ZFHX3: variants seen among roughly 807,000 people sequenced by gnomAD.
ZFHX3 encodes zinc finger homeobox 3.
Under a neutral mutation model 279.1 loss-of-function variants are expected in ZFHX3, and 42 were observed. The ratio of observed to expected loss-of-function variants is 0.15; its 90% CI spans 0.12 to 0.19. The LOEUF (loss-of-function observed/expected upper bound fraction) is 0.19. Ranked by LOEUF, ZFHX3 falls within the 10% of genes least tolerant of loss-of-function variation. The probability of loss-of-function intolerance (pLI) is 1.00; values close to 1 mark genes in which losing one functional copy is unlikely to be tolerated. For missense variants in ZFHX3, 4,981 were observed against 4,754.0 expected, an observed-to-expected ratio of 1.05 and a Z score of -1.40; for synonymous variants, 2,293 against 1,957.8, an observed-to-expected ratio of 1.17 and a Z score of -4.52.
intron 3 of ZFHX3, among the ~76,000 whole-genome samples, chr16:73,437,224 G>A (rs2018013897): frequency 6.6e-6 from 1 of 152,174 alleles, no homozygotes. Context: ...TTTTGCAGAT[G>A]AAAAAACTTA....
intron 1 of ZFHX3, among the ~76,000 whole-genome samples, chr16:73,030,614 AG>A (rs1275858608): frequency 4.6e-5 from 7 of 152,048 alleles, no homozygotes; most frequent in Non-Finnish European, 1.0e-4. Context: ...GGAAGTCAGA[AG>A]ATATTGTTTG....
chr16:72,919,503 A>T (rs1350592076), intron 3 of ZFHX3, among the ~76,000 whole-genome samples: 1 of 152,128 alleles, frequency 6.6e-6, no homozygotes, highest in Non-Finnish European at 1.5e-5. Flanking sequence ...TCTGACGCAC[A>T]GCTAGGTTTA....
At chr16:72,863,898 T>G (rs777154394) in intron 4 of ZFHX3, among the ~76,000 whole-genome samples, 7 of 152,114 alleles carry the variant, frequency 4.6e-5, no homozygotes, top group South Asian at 4.1e-4. Context: ...GGGTGGATCA[T>G]GAGGTCACGA....
intron 3 of ZFHX3, among the ~76,000 whole-genome samples, chr16:73,328,984 C>T (rs1373208576): frequency 6.6e-6 from 1 of 152,204 alleles, no homozygotes; most frequent in Non-Finnish European, 1.5e-5. Context: ...ATTTGCAAAG[C>T]TACATGAACT....
intron 5 of ZFHX3, among the ~76,000 whole-genome samples, chr16:73,182,984 C>T (rs569462708): frequency 3.3e-5 from 5 of 152,310 alleles, no homozygotes; most frequent in Non-Finnish European, 2.9e-5. Flanking sequence ...GTGGGTGGAT[C>T]ACCTCAGGTC....
chr16:73,422,909 G>T (rs1321451339), intron 3 of ZFHX3, among the ~76,000 whole-genome samples: 1 of 152,186 alleles, frequency 6.6e-6, no homozygotes, highest in Non-Finnish European at 1.5e-5. Context: ...AAGGCTACAG[G>T]TTCTGGGAGG....
At chr16:73,600,635 T>C (rs1393222523) in intron 2 of ZFHX3, among the ~76,000 whole-genome samples, 1 of 152,106 alleles carries the variant, frequency 6.6e-6, no homozygotes, top group African/African-American at 2.4e-5. Context: ...TTAGCCAGAA[T>C]GGTCTCGATC....
At chr16:73,730,350 C>A (rs2053558434) in intron 1 of ZFHX3, among the ~76,000 whole-genome samples, 1 of 84,472 alleles carries the variant, frequency 1.2e-5, no homozygotes, top group Non-Finnish European at 2.2e-5. Context: ...ACCCTCCCCT[C>A]GCAAAAAAAA....
intron 1 of ZFHX3, among the ~76,000 whole-genome samples, chr16:72,981,450 C>G (rs191866848): frequency 8.4e-4 from 128 of 152,298 alleles, no homozygotes; most frequent in Non-Finnish European, 1.1e-3. Flanking sequence ...CTTGACTCAA[C>G]GGGTTAAGAA....
rs776065671 is a variant in ZFHX3 at position 72,787,678 on chromosome 16, G to A, written c.10598C>T (p.Ala3533Val). Residue 3533 changes from alanine to valine, a missense_variant, in exon 10 of 10, where the codon GCG (alanine) becomes GTG (valine). Transcript: ENST00000268489. The stretch of plus-strand genomic sequence containing the variant: ...CTCCCCACAGAGCGCGCTCTCGCAC[G>A]CCAGGCAGTGGTACGAGCCGCCGCC... ...GGGGGSYHCL[A>V]CESALCGEEA... 2.5e-5 allele frequency: 38 copies of A among 1,539,562 alleles called. No individual in the cohort carries two copies. Among genetic ancestry groups the A allele is most frequent in the Non-Finnish European group, 2.3e-5 (26 of 1,142,504 alleles).
intron 3 of ZFHX3, chr16:73,400,358 G>A (rs2017225227): frequency 6.6e-6 from 1 of 152,154 alleles, no homozygotes; most frequent in Admixed American, 6.5e-5. Context: ...GGAGTTTGCG[G>A]GGATATTCTC....
chr16:73,423,458 G>A (rs141318652), intron 3 of ZFHX3, among the ~76,000 whole-genome samples: 211 of 152,228 alleles, frequency 1.4e-3, no homozygotes, highest in African/African-American at 4.2e-3. Context: ...TGGTGAGACC[G>A]GGCAGACTGT....
chr16:73,152,985 G>T (rs1171159520), intron 5 of ZFHX3, among the ~76,000 whole-genome samples: 3 of 152,132 alleles, frequency 2.0e-5, no homozygotes, highest in Admixed American at 6.5e-5. Context: ...AGGGGGAGGG[G>T]TGTCTGGAAT....
intron 1 of ZFHX3, among the ~76,000 whole-genome samples, chr16:73,888,576 C>G (rs1318238436): frequency 5.3e-5 from 8 of 152,150 alleles, no homozygotes; most frequent in Non-Finnish European, 2.9e-5. Context: ...GAGAAAATAT[C>G]AGCTAAAAAT....
intron 7 of ZFHX3, among the ~76,000 whole-genome samples, chr16:73,111,341 A>C (rs1475698307): frequency 1.3e-5 from 2 of 152,192 alleles, no homozygotes; most frequent in Non-Finnish European, 2.9e-5. Flanking sequence ...AAATAAACAC[A>C]CTAATGGGAG....
exon 7 of ZFHX3, chr16:73,131,022 A>T (rs1488903420): frequency 7.7e-7 from 1 of 1,303,222 alleles, no homozygotes; most frequent in East Asian, 5.6e-5. Context: ...CTGGAGTTAG[A>T]CCCCCTGGGC....
At chr16:73,610,002 T>C (rs2052228861) in intron 2 of ZFHX3, 1 of 152,176 alleles carries the variant, frequency 6.6e-6, no homozygotes, top group South Asian at 2.1e-4. Flanking sequence ...GGCTCCTGGC[T>C]GTTACTGATT....
At chr16:73,760,048 C>A (rs1597098854) in intron 1 of ZFHX3, among the ~76,000 whole-genome samples, 1 of 149,130 alleles carries the variant, frequency 6.7e-6, no homozygotes, top group Non-Finnish European at 1.5e-5. Context: ...AGACAACTGG[C>A]TAGATGAATA....
chr16:73,400,609 T>C (rs2017230788), intron 3 of ZFHX3: 1 of 152,142 alleles, frequency 6.6e-6, no homozygotes. Flanking sequence ...AAATGCAAGA[T>C]GGAATGGGAC....
Sources: allele counts gnomAD v4.1 joint callset (sites outside exome capture counted in the v4.1 genomes callset), GRCh38; gene constraint gnomAD v4.1.1; transcripts MANE v1.5; gene names NCBI Gene and HGNC (gene_info 2026-07-23, HGNC 2026-07-21).